The following SEMA6D variants were observed in gnomAD, a reference collection of about 807,000 sequenced individuals.
SEMA6D encodes the protein semaphorin-6D.
SEMA6D carries 35 observed loss-of-function variants against 106.6 expected under a neutral mutation model. The ratio of observed to expected loss-of-function variants is 0.33; its 90% confidence interval spans 0.25 to 0.44. SEMA6D has a LOEUF of 0.44. SEMA6D is among the 20% of genes least tolerant of loss of function. The pLI is 1.00. For synonymous variants in SEMA6D, 499 were observed against 487.7 expected (o/e 1.02, Z -0.31); for missense variants, 1,185 against 1,345.9 (o/e 0.88, Z 1.87).
chr15:47,497,311 AAAC>A (rs1322718963), intron 3 of SEMA6D, among the ~76,000 whole-genome samples: 4 of 152,046 alleles, frequency 2.6e-5, no homozygotes, highest in Non-Finnish European at 5.9e-5. Context: ...CAAAAAGGAA[AAAC>A]AACAAGTTTT....
At chr15:47,332,646 T>C (rs2037386724) in intron 1 of SEMA6D, among the ~76,000 whole-genome samples, 1 of 152,216 alleles carries the variant, frequency 6.6e-6, no homozygotes. Flanking sequence ...CTCTGGAATC[T>C]AGCTGTGGCT....
chr15:47,243,915 A>G (rs772370123), intron 1 of SEMA6D, among the ~76,000 whole-genome samples: 31 of 152,304 alleles, frequency 2.0e-4, no homozygotes, highest in African/African-American at 5.3e-4. Flanking sequence ...GGATATAGCA[A>G]TGGACAAAAT....
At chr15:47,619,729 T>G (rs1429661321) in intron 4 of SEMA6D, among the ~76,000 whole-genome samples, 1 of 152,200 alleles carries the variant, frequency 6.6e-6, no homozygotes, top group Non-Finnish European at 1.5e-5. Context: ...TGGAGTGCTC[T>G]TTAGTGTGAA....
chr15:47,214,524 T>C (rs1391383316), intron 1 of SEMA6D, among the ~76,000 whole-genome samples: 2 of 152,224 alleles, frequency 1.3e-5, no homozygotes, highest in Non-Finnish European at 2.9e-5. Flanking sequence ...TTTTTGTTTG[T>C]AGATTCTGAA....
At chr15:47,219,420 TC>T (rs1459687927) in intron 1 of SEMA6D, among the ~76,000 whole-genome samples, 1 of 152,210 alleles carries the variant, frequency 6.6e-6, no homozygotes, top group African/African-American at 2.4e-5. Context: ...AAATACAGGA[TC>T]CTTAAGAATG....
chr15:47,228,126 A>T lies in SEMA6D; in HGVS notation c.-239+43708A>T, dbSNP rs191378113. 9.4e-3 allele frequency among the ~76,000 whole-genome samples: 1,144 copies of T among 121,298 alleles called. 13 individuals are homozygous for T. The highest frequency in any genetic ancestry group is 0.037 in the African/African-American group (1,112 of 30,006). 79.6% of individuals were successfully genotyped at this position (121,298 alleles called of 152,430 possible). On this transcript the variant is annotated intron_variant, in intron 1 of 19. Coordinates refer to the SEMA6D transcript ENST00000558014. ...TTTATATATATAAGAATTCATATAT[A>T]TGTGTGTGTGTACACACACACACAC...
chr15:47,347,456 G>C (rs1595785987), intron 1 of SEMA6D, among the ~76,000 whole-genome samples: 2 of 152,308 alleles, frequency 1.3e-5, no homozygotes, highest in Non-Finnish European at 2.9e-5. Context: ...TCAGACTGCA[G>C]CACTTGTTTT....
intron 1 of SEMA6D, among the ~76,000 whole-genome samples, chr15:47,346,789 T>C (rs751581419): frequency 2.6e-5 from 4 of 152,276 alleles, no homozygotes; most frequent in South Asian, 2.1e-4. Flanking sequence ...AAAAAAGAAG[T>C]TAATACTGTC....
At chr15:47,696,571 T>C (rs2078703646) in intron 4 of SEMA6D, among the ~76,000 whole-genome samples, 1 of 151,960 alleles carries the variant, frequency 6.6e-6, no homozygotes, top group Non-Finnish European at 1.5e-5. Context: ...ATGCAGGGAG[T>C]GGTAAGGACC....
At chr15:47,421,367 T>C (rs1276751924) in intron 2 of SEMA6D, among the ~76,000 whole-genome samples, 1 of 152,152 alleles carries the variant, frequency 6.6e-6, no homozygotes, top group Admixed American at 6.6e-5. Flanking sequence ...AGTGAAGTGC[T>C]ATTATCCTCT....
chr15:47,286,228 G>A (rs1025800933), intron 1 of SEMA6D, among the ~76,000 whole-genome samples: 1 of 152,116 alleles, frequency 6.6e-6, no homozygotes, highest in African/African-American at 2.4e-5. Context: ...AGATTCTGAA[G>A]CCCCATTTCC....
At chr15:47,684,985 A>T (rs189828323) in intron 4 of SEMA6D, among the ~76,000 whole-genome samples, 1 of 152,236 alleles carries the variant, frequency 6.6e-6, no homozygotes, top group Non-Finnish European at 1.5e-5. Flanking sequence ...AGTAATAATT[A>T]TATCACAAAA....
chr15:47,741,572 C>T (rs1009519679), intron 1 of SEMA6D, among the ~76,000 whole-genome samples: 5 of 152,062 alleles, frequency 3.3e-5, no homozygotes, highest in African/African-American at 4.8e-5. Context: ...CAAAATCAGC[C>T]GGGCGTGGTG....
chr15:47,576,282 C>G (rs1203690792), intron 3 of SEMA6D, among the ~76,000 whole-genome samples: 1 of 152,198 alleles, frequency 6.6e-6, no homozygotes, highest in Non-Finnish European at 1.5e-5. Flanking sequence ...AGTCCAAATG[C>G]AGCTGACCCC....
chr15:47,329,138 G>A (rs1367378796), intron 1 of SEMA6D, among the ~76,000 whole-genome samples: 4 of 152,180 alleles, frequency 2.6e-5, no homozygotes, highest in Admixed American at 6.5e-5. Flanking sequence ...ATGATATTCT[G>A]TACTTATGGA....
At chr15:47,511,859 A>G (rs2044244928) in intron 3 of SEMA6D, among the ~76,000 whole-genome samples, 1 of 152,122 alleles carries the variant, frequency 6.6e-6, no homozygotes. Flanking sequence ...GTGCTGTGTG[A>G]GCCATTGCAG....
rs374051234 is a variant in SEMA6D, at chr15:47,770,915, C to G, written c.2352C>G (p.Thr784=). Residue 784 remains threonine, a synonymous_variant, in exon 19 of 19, where the codon ACC becomes ACG. Coordinates refer to ENST00000536845, the MANE Select transcript of SEMA6D (RefSeq NM_001358351.3). ...PESTPVLHQK[T]LQAMKSHSEK... ...CTACACCCGTGCTTCACCAGAAGAC[C>G]CTGCAGGCCATGAAGAGCCACTCAG... The G allele has an allele frequency of 1.1e-5, 18 of 1,613,918 alleles. No homozygotes were observed. The highest frequency in any genetic ancestry group is 1.0e-4 in the Admixed American group (6 of 59,994).
chr15:47,703,948 G>T (rs117155577), intron 4 of SEMA6D, among the ~76,000 whole-genome samples: 4 of 152,204 alleles, frequency 2.6e-5, no homozygotes, highest in Middle Eastern at 3.4e-3. Context: ...GTACATGGGG[G>T]TGTGTAAAAG....
At chr15:47,722,926 A>G (rs2079508696) in intron 1 of SEMA6D, among the ~76,000 whole-genome samples, 1 of 152,200 alleles carries the variant, frequency 6.6e-6, no homozygotes, top group South Asian at 2.1e-4. Context: ...TTGGTAAACA[A>G]AGTGAGGTGC....
Sources: allele counts gnomAD v4.1 joint callset (sites outside exome capture counted in the v4.1 genomes callset), GRCh38; gene constraint gnomAD v4.1.1; transcripts MANE v1.5; gene names NCBI Gene and HGNC (gene_info 2026-07-23, HGNC 2026-07-21).